NELL1: variants seen among roughly 807,000 people sequenced by gnomAD.
NELL1 encodes protein kinase C-binding protein NELL1.
NELL1 carries 76 observed loss-of-function variants against 107.4 expected under a neutral mutation model. The observed-to-expected ratio is 0.71, with a 90% CI of 0.59 to 0.86. NELL1 has a LOEUF of 0.86. NELL1 is among the 40% of genes least tolerant of loss of function. The pLI, the probability that NELL1 is intolerant of heterozygous loss-of-function variation, is 0.00. For synonymous variants in NELL1, 353 were observed against 341.2 expected (o/e 1.03, Z -0.38); for missense variants, 1,024 against 1,005.5 (o/e 1.02, Z -0.25).
chr11:20,672,975 C>A (rs1260294362), intron 1 of NELL1, among the ~76,000 whole-genome samples: 1,468 of 27,616 alleles, frequency 0.053, 67 homozygotes, highest in African/African-American at 0.23. Context: ...CCTCAGCCCC[C>A]CCCCCCCCCC....
At chr11:21,145,536 A>C (rs1855958806) in intron 13 of NELL1, among the ~76,000 whole-genome samples, 1 of 152,208 alleles carries the variant, frequency 6.6e-6, no homozygotes, top group African/African-American at 2.4e-5. Flanking sequence ...GAAATACCAC[A>C]ATTAACCTTT....
rs1035041041 is a variant in NELL1, at chr11:21,413,805, A to G, written c.1645+42857A>G. Reference sequence around the variant, plus strand: ...AAGATCTCAACATTAATTTCACCCCATGACCTGTCACAATTTGAATCAATC... The same window carrying G: ...AAGATCTCAACATTAATTTCACCCCGTGACCTGTCACAATTTGAATCAATC... On this transcript the variant is annotated intron_variant, in intron 15 of 19. Transcript: ENST00000357134. Among the ~76,000 whole-genome samples the G allele has an allele frequency of 2.0e-5, 3 of 152,052 alleles. No homozygotes were observed. In the South Asian group the frequency reaches 6.2e-4, roughly 31 times the overall value.
chr11:21,459,154 G>T (rs1564904862), intron 15 of NELL1, among the ~76,000 whole-genome samples: 1 of 151,966 alleles, frequency 6.6e-6, no homozygotes, highest in Non-Finnish European at 1.5e-5. Context: ...GTATAGGGTA[G>T]TCACTGTGGG....
chr11:20,670,675 A>T (rs1476631960), intron 1 of NELL1: 1 of 152,050 alleles, frequency 6.6e-6, no homozygotes, highest in East Asian at 1.9e-4. Flanking sequence ...AGATGCGGGG[A>T]GACTGGGGTG....
At chr11:20,955,010 G>A (rs544877932) in intron 11 of NELL1, among the ~76,000 whole-genome samples, 2 of 152,258 alleles carry the variant, frequency 1.3e-5, no homozygotes, top group South Asian at 2.1e-4. Flanking sequence ...CACATGTGCC[G>A]TTGAGTCAAG....
chr11:21,094,285 T>C (rs2133693738), intron 12 of NELL1, among the ~76,000 whole-genome samples: 1 of 152,318 alleles, frequency 6.6e-6, no homozygotes, highest in Admixed American at 6.5e-5. Context: ...TGGGTTCCCA[T>C]GGTTTTGGGC....
chr11:21,251,651 G>A (rs1480433995), intron 14 of NELL1, among the ~76,000 whole-genome samples: 1 of 151,956 alleles, frequency 6.6e-6, no homozygotes, highest in East Asian at 1.9e-4. Context: ...TAAGGAAGCT[G>A]AAGTTACCAC....
At chr11:21,261,468 G>A (rs138856146) in intron 14 of NELL1, among the ~76,000 whole-genome samples, 34 of 151,498 alleles carry the variant, frequency 2.2e-4, no homozygotes, top group African/African-American at 7.3e-4. Context: ...CCATTTGTAC[G>A]ACTAATTATG....
intron 2 of NELL1, among the ~76,000 whole-genome samples, chr11:20,682,209 C>T (rs1243944568): frequency 6.6e-6 from 1 of 151,862 alleles, no homozygotes; most frequent in Admixed American, 6.6e-5. Context: ...TTTTCTAGTG[C>T]AGTATGGTCC....
At chr11:20,805,426 G>T (rs1274787943) in intron 3 of NELL1, among the ~76,000 whole-genome samples, 1 of 151,808 alleles carries the variant, frequency 6.6e-6, no homozygotes, top group African/African-American at 2.4e-5. Context: ...GTTTTCTCTG[G>T]TGGTATGTTT....
At chr11:21,347,516 C>T (rs1850710954) in intron 14 of NELL1, among the ~76,000 whole-genome samples, 1 of 152,070 alleles carries the variant, frequency 6.6e-6, no homozygotes, top group South Asian at 2.1e-4. Context: ...GCAGGAGAAT[C>T]GCTTGAACCT....
intron 2 of NELL1, among the ~76,000 whole-genome samples, chr11:20,687,495 G>T (rs974256498): frequency 6.6e-6 from 1 of 151,936 alleles, no homozygotes; most frequent in Non-Finnish European, 1.5e-5. Flanking sequence ...ATTTTTGGGA[G>T]AATGTAGTAT....
chr11:21,129,668 C>T (rs1012490167), intron 13 of NELL1, among the ~76,000 whole-genome samples: 2 of 152,142 alleles, frequency 1.3e-5, no homozygotes, highest in Admixed American at 6.5e-5. Flanking sequence ...AATAGACAAA[C>T]ACTGCATGAT....
At chr11:20,704,004 T>A (rs371359342) in intron 2 of NELL1, among the ~76,000 whole-genome samples, 1 of 152,216 alleles carries the variant, frequency 6.6e-6, no homozygotes, top group Non-Finnish European at 1.5e-5. Flanking sequence ...GAGAGTTCTG[T>A]AGATGTCTAT....
chr11:20,691,627 A>T (rs985762469), intron 2 of NELL1, among the ~76,000 whole-genome samples: 4 of 152,060 alleles, frequency 2.6e-5, no homozygotes, highest in African/African-American at 9.7e-5. Flanking sequence ...CATCCCAGGG[A>T]TGAAGCCAAC....
intron 12 of NELL1, among the ~76,000 whole-genome samples, chr11:21,025,333 A>G (rs963778634): frequency 1.3e-5 from 2 of 151,952 alleles, no homozygotes; most frequent in African/African-American, 2.4e-5. Context: ...TCCTTATTTC[A>G]TAGTTCAAGA....
At chr11:21,389,221 A>G (rs1456763365) in intron 15 of NELL1, among the ~76,000 whole-genome samples, 1 of 151,836 alleles carries the variant, frequency 6.6e-6, no homozygotes, top group South Asian at 2.1e-4. Context: ...GGCTTGAAAG[A>G]GGTAACATGT....
chr11:21,235,712 G>A (rs1464249502), intron 14 of NELL1, among the ~76,000 whole-genome samples: 3 of 152,056 alleles, frequency 2.0e-5, no homozygotes, highest in South Asian at 2.1e-4. Context: ...TTTTAATTAA[G>A]TTTAAGGAGT....
chr11:20,894,354 G>A (rs1011238022), intron 5 of NELL1, among the ~76,000 whole-genome samples: 4 of 152,208 alleles, frequency 2.6e-5, no homozygotes, highest in South Asian at 4.1e-4. Context: ...TCAAGGAATA[G>A]GAGGAGCTAT....
Sources: allele counts gnomAD v4.1 joint callset (sites outside exome capture counted in the v4.1 genomes callset), GRCh38; gene constraint gnomAD v4.1.1; transcripts MANE v1.5; gene names NCBI Gene and HGNC (gene_info 2026-07-23, HGNC 2026-07-21).